Variants in C5orf46 observed in about 807,000 individuals in gnomAD.
C5orf46 encodes chromosome 5 open reading frame 46, also known as uncharacterized protein C5orf46.
A neutral mutation model predicts 8.9 loss-of-function variants in C5orf46; 9 were observed. The observed-to-expected ratio is 1.01, with a 90% CI of 0.61 to 1.76. The LOEUF is 1.76. Ranked by LOEUF, C5orf46 falls within the 40% of genes most tolerant of loss-of-function variation. The pLI, the probability that C5orf46 is intolerant of heterozygous loss-of-function variation, is 0.00. For missense variants in C5orf46, 98 were observed against 107.8 expected (o/e 0.91, Z 0.40); for synonymous variants, 47 against 41.4 (o/e 1.14, Z -0.52).
intron 1 of C5orf46, among the ~76,000 whole-genome samples, chr5:147,903,299 A>G (rs921670178): frequency 4.6e-5 from 7 of 152,200 alleles, no homozygotes; most frequent in African/African-American, 1.4e-4. Flanking sequence ...GATAAACAAC[A>G]AATGCTTTTC....
downstream of C5orf46, chr5:147,892,582 T>C (rs1317980727): frequency 6.6e-6 from 1 of 152,186 alleles, no homozygotes; most frequent in African/African-American, 2.4e-5. Context: ...TTTAGTCCTC[T>C]TATTTTGAAC....
In C5orf46 at chr5:147,901,617, C is replaced by T. The variant is rs1192479942; in HGVS notation, c.215+12G>A. 6.2e-7 allele frequency: 1 copy of T among 1,610,080 alleles called. No individual in the cohort carries two copies. Among genetic ancestry groups the T allele is most frequent in the Non-Finnish European group, 8.5e-7 (1 of 1,177,970 alleles). ...GAATTGGACAAAAAGCAACGTTTTT[C>T]TCAGTGCTTACGTGCTCCTGGACAT... On this transcript the variant is annotated intron_variant, in intron 2 of 3. Coordinates refer to ENST00000318315, the MANE Select transcript of C5orf46 (RefSeq NM_206966.3).
In C5orf46 at chr5:147,906,459, G is replaced by A. The variant is rs1279389872; in HGVS notation, c.43C>T (p.Leu15Phe). The change falls in exon 1 of 4, where the codon CTT becomes TTT. Residue 15 changes from leucine (L) to phenylalanine (F), a missense_variant. Transcript: ENST00000318315. ...GCATAGCAGGTCAGGAATAAGACAA[G>A]CAGTCCCAGGACAACTGTCAGGCGA... The part of the protein sequence containing the change: ...VLRLTVVLGL[L>F]VLFLTCYADD... 1.2e-6 allele frequency: 2 copies of A among 1,611,454 alleles called. No homozygotes were observed. Among genetic ancestry groups the A allele is most frequent in the Non-Finnish European group, 8.5e-7 (1 of 1,178,456 alleles).
chr5:147,899,978 A>G (rs773660338), intron 2 of C5orf46, among the ~76,000 whole-genome samples: 1 of 152,186 alleles, frequency 6.6e-6, no homozygotes, highest in African/African-American at 2.4e-5. Context: ...ATTCTTTAGC[A>G]TATCAGAGAG....
chr5:147,891,686 G>T (rs1434868483), downstream of C5orf46, among the ~76,000 whole-genome samples: 1 of 152,190 alleles, frequency 6.6e-6, no homozygotes, highest in African/African-American at 2.4e-5. Flanking sequence ...AGATTTTGCA[G>T]CCACATTTGA....
chr5:147,892,754 C>G lies in C5orf46; in HGVS notation c.*195G>C, dbSNP rs1757520743. The G allele has an allele frequency of 6.6e-6, 1 of 152,178 alleles. No individual in the cohort carries two copies. Among genetic ancestry groups the G allele is most frequent in the African/African-American group, 2.4e-5 (1 of 41,446 alleles). 9.4% of individuals were successfully genotyped at this position (152,178 alleles called of 1,614,324 possible). ...TCCCAAAGCGCCATATTTATTCTAACTTTCTAAAAGCAAAAATGCAGTCAG... is the reference window on the plus strand; with the variant it reads ...TCCCAAAGCGCCATATTTATTCTAAGTTTCTAAAAGCAAAAATGCAGTCAG... On this transcript the variant is annotated 3_prime_UTR_variant, in exon 4 of 4. Coordinates refer to ENST00000318315, the MANE Select transcript of C5orf46 (RefSeq NM_206966.3).
chr5:147,888,632 C>G (rs1394113043), downstream of C5orf46, among the ~76,000 whole-genome samples: 1 of 152,188 alleles, frequency 6.6e-6, no homozygotes, highest in African/African-American at 2.4e-5. Context: ...ACATGTCTCC[C>G]TTCCTTAGGA....
chr5:147,903,366 T>A (rs1457595758), intron 1 of C5orf46, among the ~76,000 whole-genome samples: 2 of 152,224 alleles, frequency 1.3e-5, no homozygotes, highest in African/African-American at 4.8e-5. Flanking sequence ...TGAAAGATTA[T>A]TCATTGCATA....
At chr5:147,898,486 G>A (rs911386356) in intron 2 of C5orf46, among the ~76,000 whole-genome samples, 1 of 152,066 alleles carries the variant, frequency 6.6e-6, no homozygotes, top group Non-Finnish European at 1.5e-5. Flanking sequence ...TGAAATAGTG[G>A]TAGAAAAACG....
intron 3 of C5orf46, among the ~76,000 whole-genome samples, chr5:147,895,697 G>A (rs145413462): frequency 1.0e-3 from 157 of 152,244 alleles, no homozygotes; most frequent in Non-Finnish European, 1.7e-3. Context: ...ACCAGAAGCC[G>A]GAATGAAGGC....
At chr5:147,891,450 ATCT>A (rs532419224), downstream of C5orf46, among the ~76,000 whole-genome samples, 581 of 152,254 alleles carry the variant, frequency 3.8e-3, 4 homozygotes, top group Non-Finnish European at 6.6e-3. Context: ...ATCGTTGGAG[ATCT>A]TTGTCAGCGA....
At chr5:147,896,426 C>A (rs10477355) in intron 3 of C5orf46, among the ~76,000 whole-genome samples, 1 of 152,026 alleles carries the variant, frequency 6.6e-6, no homozygotes, top group African/African-American at 2.4e-5. Context: ...TTCATACCAG[C>A]TACTAATATT....
intron 2 of C5orf46, among the ~76,000 whole-genome samples, chr5:147,900,164 A>G (rs1274656108): frequency 6.6e-6 from 1 of 152,246 alleles, no homozygotes; most frequent in Non-Finnish European, 1.5e-5. Context: ...TGGTGCTCCT[A>G]TTGTCGGCCT....
At chr5:147,886,091 T>G (rs1580977854) in intron 2 of C5orf46, 2 of 152,188 alleles carry the variant, frequency 1.3e-5, no homozygotes, top group Admixed American at 1.3e-4. Flanking sequence ...AGGTTAAATT[T>G]TGTATACTTT....
intron 2 of C5orf46, 78 bp from the exon 3 acceptor site, chr5:147,897,119 A>G (rs1027517314): frequency 1.6e-6 from 1 of 630,110 alleles, no homozygotes; most frequent in Non-Finnish European, 2.7e-6. Context: ...GGCGCTGTAT[A>G]ATGTTTGAGC....
intron 3 of C5orf46, among the ~76,000 whole-genome samples, chr5:147,895,016 T>C (rs955878261): frequency 6.6e-6 from 1 of 151,304 alleles, no homozygotes; most frequent in Non-Finnish European, 1.5e-5. Context: ...TGAGCCGAGA[T>C]GGCACCACTG....
chr5:147,893,821 G>C (rs563677502), intron 3 of C5orf46, among the ~76,000 whole-genome samples: 172 of 152,154 alleles, frequency 1.1e-3, no homozygotes, highest in Non-Finnish European at 1.7e-3. Context: ...GATTTGGTAG[G>C]CACCTGTAAT....
chr5:147,900,348 A>G (rs1248119547), intron 2 of C5orf46, among the ~76,000 whole-genome samples: 1 of 152,202 alleles, frequency 6.6e-6, no homozygotes, highest in Non-Finnish European at 1.5e-5. Flanking sequence ...CTTTAAGCAG[A>G]TCAGAGATTA....
chr5:147,904,067 A>G (rs1346394454), intron 1 of C5orf46, among the ~76,000 whole-genome samples: 1 of 151,748 alleles, frequency 6.6e-6, no homozygotes, highest in Non-Finnish European at 1.5e-5. Context: ...TATTATGTGC[A>G]TAGTTATGCT....
Sources: gnomAD v4.1 joint callset for allele counts (sites outside exome capture counted in the v4.1 genomes callset) on GRCh38, gnomAD v4.1.1 for gene constraint, MANE v1.5 for transcripts, NCBI Gene and HGNC (gene_info 2026-07-23, HGNC 2026-07-21) for gene names.